CPA6: variants seen among roughly 807,000 people sequenced by gnomAD.
CPA6 encodes carboxypeptidase A6, also known as carboxypeptidase B.
Under a neutral mutation model 63.3 loss-of-function variants are expected in CPA6, and 58 were observed. The ratio of observed to expected loss-of-function variants is 0.92; its 90% CI spans 0.74 to 1.14. The LOEUF is 1.14. Ranked by LOEUF, CPA6 falls within the 50% of genes most tolerant of loss-of-function variation. The probability of loss-of-function intolerance (pLI) is 0.00; values close to 1 mark genes in which losing one functional copy is unlikely to be tolerated. For synonymous variants in CPA6, 185 were observed against 179.0 expected, an observed-to-expected ratio of 1.03 and a Z score of -0.27; for missense variants, 565 against 526.6, an observed-to-expected ratio of 1.07 and a Z score of -0.71.
chr8:67,526,945 G>C (rs951762801), intron 2 of CPA6, among the ~76,000 whole-genome samples: 1 of 151,948 alleles, frequency 6.6e-6, no homozygotes, highest in Non-Finnish European at 1.5e-5. Flanking sequence ...ATTAGATAAG[G>C]GAAAAAATAT....
chr8:67,541,081 T>A (rs1326374061), intron 2 of CPA6, among the ~76,000 whole-genome samples: 3 of 151,538 alleles, frequency 2.0e-5, no homozygotes, highest in African/African-American at 7.3e-5. Context: ...CAGGTGCCAC[T>A]GGGTACGAAA....
At chr8:67,652,021 G>C (rs1387739884) in intron 1 of CPA6, among the ~76,000 whole-genome samples, 1 of 151,814 alleles carries the variant, frequency 6.6e-6, no homozygotes, top group African/African-American at 2.4e-5. Flanking sequence ...GTGATAGTTT[G>C]CTGGGAATGA....
At chr8:67,430,155 G>T (rs925776461) in intron 9 of CPA6, among the ~76,000 whole-genome samples, 1 of 145,054 alleles carries the variant, frequency 6.9e-6, no homozygotes, top group African/African-American at 2.7e-5. Context: ...GTGTGTGTGT[G>T]TGTGTGTGTG....
chr8:67,507,967 A>G (rs1811964143), intron 5 of CPA6, among the ~76,000 whole-genome samples: 1 of 151,076 alleles, frequency 6.6e-6, no homozygotes, highest in South Asian at 2.1e-4. Context: ...AATAAAAGAG[A>G]TGAGGCTTCC....
chr8:67,670,760 C>A (rs1264806568), intron 1 of CPA6, among the ~76,000 whole-genome samples: 1 of 152,202 alleles, frequency 6.6e-6, no homozygotes, highest in Non-Finnish European at 1.5e-5. Flanking sequence ...AAGTACATGT[C>A]TTTACCCAGC....
chr8:67,532,907 T>C (rs1268534115), intron 2 of CPA6, among the ~76,000 whole-genome samples: 1 of 152,164 alleles, frequency 6.6e-6, no homozygotes, highest in Non-Finnish European at 1.5e-5. Context: ...GCAAGGGACA[T>C]TTGAAAGTTT....
At chr8:67,491,801 C>T (rs1251286493) in intron 6 of CPA6, among the ~76,000 whole-genome samples, 1 of 152,144 alleles carries the variant, frequency 6.6e-6, no homozygotes, top group Non-Finnish European at 1.5e-5. Context: ...AACACCAGTC[C>T]TCCCACAGAA....
chr8:67,564,848 T>C (rs1813298984), intron 2 of CPA6, among the ~76,000 whole-genome samples: 2 of 152,216 alleles, frequency 1.3e-5, no homozygotes, highest in African/African-American at 2.4e-5. Flanking sequence ...AATTAAACAA[T>C]GATCAAAACA....
rs1452695309 is a variant in CPA6, at chr8:67,709,187, C to A, written c.116+36827G>T. 2.0e-5 allele frequency among the ~76,000 whole-genome samples: 3 copies of A among 152,184 alleles called. No individual in the cohort carries two copies. In the East Asian group the frequency reaches 5.8e-4, roughly 29 times the overall value. On this transcript the variant is annotated intron_variant, in intron 1 of 10. Transcript: ENST00000297770. ...CTGCGTATGCGGCCCCTGTCACATG[C>A]TAGCAGGCCACTGTGCATGTGGGCA... is the stretch of plus-strand genomic sequence containing the variant.
chr8:67,491,223 G>GTTTT (rs11379483), intron 6 of CPA6, among the ~76,000 whole-genome samples: 8 of 125,416 alleles, frequency 6.4e-5, no homozygotes, highest in Admixed American at 8.2e-5. Flanking sequence ...TTACAGGGAA[G>GTTTT]TTTTTTTTTT....
At chr8:67,613,587 C>G (rs1814865152) in intron 2 of CPA6, among the ~76,000 whole-genome samples, 1 of 152,126 alleles carries the variant, frequency 6.6e-6, no homozygotes, top group African/African-American at 2.4e-5. Context: ...TCTGTGGTTC[C>G]CTACTTTACA....
At chr8:67,598,182 A>G (rs1228532427) in intron 2 of CPA6, among the ~76,000 whole-genome samples, 6 of 152,226 alleles carry the variant, frequency 3.9e-5, no homozygotes, top group African/African-American at 1.4e-4. Flanking sequence ...TTCACATTTT[A>G]GCTGTCATTT....
intron 2 of CPA6, among the ~76,000 whole-genome samples, chr8:67,541,861 G>T (rs1812715589): frequency 6.6e-6 from 1 of 152,194 alleles, no homozygotes; most frequent in African/African-American, 2.4e-5. Flanking sequence ...AGAGGAACCA[G>T]GTACCTCAGT....
At chr8:67,558,806 G>A (rs1459967180) in intron 2 of CPA6, among the ~76,000 whole-genome samples, 1 of 152,136 alleles carries the variant, frequency 6.6e-6, no homozygotes, top group Non-Finnish European at 1.5e-5. Flanking sequence ...ATGGCTCTTC[G>A]TCCCATCTGG....
intron 1 of CPA6, among the ~76,000 whole-genome samples, chr8:67,659,570 T>C (rs1225879551): frequency 6.6e-6 from 1 of 152,236 alleles, no homozygotes; most frequent in African/African-American, 2.4e-5. Context: ...TTCCAATCTC[T>C]TTCAGAGTCT....
chr8:67,688,998 T>TTTTTTTTTTTTTTTTTTTTTTTTTTG (rs530035160), intron 1 of CPA6, among the ~76,000 whole-genome samples: 1 of 151,132 alleles, frequency 6.6e-6, no homozygotes, highest in African/African-American at 2.5e-5. Flanking sequence ...TATTATTTTT[T>TTTTTTTTTTTTTTTTTTTTTTTTTTG]AGATGGAGTC....
intron 8 of CPA6, among the ~76,000 whole-genome samples, chr8:67,453,476 C>A (rs954119109): frequency 1.3e-5 from 2 of 152,016 alleles, no homozygotes; most frequent in East Asian, 3.9e-4. Flanking sequence ...CTATTAGATA[C>A]CCCCAGTGAA....
intron 6 of CPA6, among the ~76,000 whole-genome samples, chr8:67,490,810 G>T (rs1294752784): frequency 6.6e-6 from 1 of 152,028 alleles, no homozygotes; most frequent in Non-Finnish European, 1.5e-5. Context: ...GAGGTAAAGG[G>T]TTTCCCTCCT....
At chr8:67,671,895 A>G (rs969784663) in intron 1 of CPA6, among the ~76,000 whole-genome samples, 1 of 152,116 alleles carries the variant, frequency 6.6e-6, no homozygotes, top group African/African-American at 2.4e-5. Flanking sequence ...CAGTGGTGCA[A>G]TCTTGGCTCA....
Sources: allele counts gnomAD v4.1 joint callset (sites outside exome capture counted in the v4.1 genomes callset), GRCh38; gene constraint gnomAD v4.1.1; transcripts MANE v1.5; gene names NCBI Gene and HGNC (gene_info 2026-07-23, HGNC 2026-07-21).